The following MED12L variants were observed in gnomAD, a reference collection of about 807,000 sequenced individuals.
The protein encoded by MED12L is mediator complex subunit 12L, also known as mediator of RNA polymerase II transcription subunit 12-like protein.
MED12L carries 60 observed loss-of-function variants against 281.3 expected under a neutral mutation model. The ratio of observed to expected loss-of-function variants is 0.21; its 90% CI spans 0.17 to 0.26. The LOEUF is 0.26. Among genes scored for constraint, MED12L ranks in the 10% least tolerant of loss-of-function variants. MED12L has a pLI of 1.00. For synonymous variants in MED12L, 974 were observed against 987.2 expected, an observed-to-expected ratio of 0.99 and a Z score of 0.25; for missense variants, 2,146 against 2,680.9, an observed-to-expected ratio of 0.80 and a Z score of 4.41.
rs966884538 is a variant in MED12L, at chr3:151,433,386, C to G, written c.*582C>G. 3 of 152,588 alleles carry G rather than the reference C, an allele frequency of 2.0e-5. No individual in the cohort carries two copies. Among genetic ancestry groups the G allele is most frequent in the Admixed American group, 2.0e-4 (3 of 15,284 alleles). 9.5% of individuals were successfully genotyped at this position (152,588 alleles called of 1,614,324 possible). A position where few individuals can be genotyped will look rare whatever the true frequency, so the allele number is the denominator to read the frequency against. On this transcript the variant is annotated 3_prime_UTR_variant, in exon 45 of 45. Transcript: ENST00000687756. ...TTGTTCTTATTTATGTAGGACTCTT[C>G]TTTGCTTTTGTTGTGGTCAAAAGGT...
chr3:151,248,275 T>A (rs1196847865), intron 16 of MED12L, among the ~76,000 whole-genome samples: 1 of 152,146 alleles, frequency 6.6e-6, no homozygotes, highest in African/African-American at 2.4e-5. Context: ...CCTATTTCTT[T>A]CCTTTGAAAA....
rs144965574 is a variant in MED12L, at chr3:151,294,358, T to C, written c.2251-55701T>C. On this transcript the variant is annotated intron_variant, in intron 16 of 44. Transcript: ENST00000687756. ...ACGCAGACAAGAAAAGTGTAATTTC[T>C]TTGCAGTAATATAGGATTTTTTGTG... 42 of 1,614,006 alleles carry C rather than the reference T, an allele frequency of 2.6e-5. No homozygotes were observed. The African/African-American group carries it at 5.6e-4, about 22-fold the overall frequency.
Position 151,388,864 on chromosome 3 carries a change from TTTAAA to T in MED12L, c.5451+703_5451+707del, listed in dbSNP as rs1241024180. Among the ~76,000 whole-genome samples, 3 of 152,254 alleles carry T rather than the reference TTTAAA, an allele frequency of 2.0e-5. No individual in the cohort carries two copies. The South Asian group carries it at 6.2e-4, about 31-fold the overall frequency. ...AAGTAATGCATAAAATGTTTTTCTA[TTTAAA>T]TTAAATTAAAACCTGGAAAATATTT... On this transcript the variant is annotated intron_variant, in intron 37 of 44. Transcript: ENST00000687756.
chr3:151,384,062 A>G, intron 34 of MED12L, 21 bp from the exon 35 acceptor site: 1 of 1,603,124 alleles, frequency 6.2e-7, no homozygotes, highest in Non-Finnish European at 8.5e-7. Flanking sequence ...TTAAGATGAA[A>G]ATAATTATTT....
intron 16 of MED12L, among the ~76,000 whole-genome samples, chr3:151,335,138 C>T (rs532739629): frequency 5.8e-4 from 89 of 152,216 alleles, no homozygotes; most frequent in African/African-American, 2.0e-3. Context: ...CTATTAGGAA[C>T]CCACTCTTTG....
intron 17 of MED12L, among the ~76,000 whole-genome samples, chr3:151,353,969 G>A (rs1364117232): frequency 1.3e-5 from 2 of 149,508 alleles, no homozygotes; most frequent in African/African-American, 5.0e-5. Flanking sequence ...GTGAAACCCC[G>A]TCTCTACTAA....
chr3:151,357,135 C>A, intron 19 of MED12L, 78 bp from the exon 20 acceptor site: 2 of 1,250,268 alleles, frequency 1.6e-6, no homozygotes, highest in Non-Finnish European at 2.2e-6. Flanking sequence ...CTCAGTATAT[C>A]TATGGTTTAT....
chr3:151,126,388 G>A (rs1053095790), intron 4 of MED12L, among the ~76,000 whole-genome samples: 1 of 152,094 alleles, frequency 6.6e-6, no homozygotes, highest in Admixed American at 6.5e-5. Flanking sequence ...TTTTCCTTCA[G>A]CATTGAAAAG....
intron 4 of MED12L, among the ~76,000 whole-genome samples, chr3:151,124,848 G>T (rs1714273137): frequency 6.6e-6 from 1 of 152,170 alleles, no homozygotes; most frequent in African/African-American, 2.4e-5. Flanking sequence ...TATTCTTCCA[G>T]GTCTTGAGCA....
chr3:151,136,979 T>A (rs1357055771), intron 5 of MED12L, among the ~76,000 whole-genome samples: 1 of 151,962 alleles, frequency 6.6e-6, no homozygotes, highest in African/African-American at 2.4e-5. Flanking sequence ...CTGGCCAACA[T>A]GGTGAAACCC....
At position 151,355,870 on chromosome 3, in the gene MED12L, C is replaced by A. The variant is rs750062821; in HGVS notation, c.2518-26C>A. 2.5e-5 allele frequency: 40 copies of A among 1,586,208 alleles called. No homozygotes were observed. The South Asian group carries it at 3.8e-4, about 15-fold the overall frequency. On this transcript the variant is annotated intron_variant, in intron 18 of 44. Transcript: ENST00000687756. ...AAGATTATTTAGAATATTGGTCTTA[C>A]AATATTTTTGTTTTTATTTGCACAG... is the stretch of plus-strand genomic sequence containing the variant.
chr3:151,328,636 G>A, intron 16 of MED12L: 4 of 1,613,854 alleles, frequency 2.5e-6, no homozygotes, highest in Non-Finnish European at 3.4e-6. Context: ...TGAGGAATCT[G>A]TCAAAGGCTA....
At chr3:151,370,281 T>C (rs139570552) in intron 26 of MED12L, among the ~76,000 whole-genome samples, 8 of 152,316 alleles carry the variant, frequency 5.3e-5, no homozygotes, top group African/African-American at 1.9e-4. Flanking sequence ...ATTCCAACTT[T>C]GGGTACCTTC....
At chr3:151,259,221 G>A (rs957909947) in intron 16 of MED12L, among the ~76,000 whole-genome samples, 9 of 152,302 alleles carry the variant, frequency 5.9e-5, no homozygotes, top group African/African-American at 2.2e-4. Context: ...AACTCTCTGA[G>A]AACAATGGTT....
intron 36 of MED12L, among the ~76,000 whole-genome samples, chr3:151,386,547 G>T (rs902058871): frequency 6.7e-6 from 1 of 149,644 alleles, no homozygotes; most frequent in South Asian, 2.1e-4. Context: ...GCACCACCAG[G>T]CCCAGCTAAT....
chr3:151,369,907 G>C (rs1755973162), intron 26 of MED12L, among the ~76,000 whole-genome samples: 1 of 152,102 alleles, frequency 6.6e-6, no homozygotes, highest in Non-Finnish European at 1.5e-5. Context: ...CTAACTAAAT[G>C]TTTACATTTT....
rs1714720631 is a variant in MED12L at position 151,394,644 on chromosome 3, T to G, written c.5609-12T>G. 1 of 1,613,160 alleles carries G rather than the reference T, an allele frequency of 6.2e-7. No homozygotes were observed. Among genetic ancestry groups the G allele is most frequent in the Non-Finnish European group, 8.5e-7 (1 of 1,179,770 alleles). On this transcript the variant is annotated splice_polypyrimidine_tract_variant and intron_variant, in intron 38 of 44. Coordinates refer to ENST00000687756, the MANE Select transcript of MED12L (RefSeq NM_001393769.1). ...GTAGTTAGAAAGTGTTTCCTTTTGG[T>G]TGCTTTTGTAGGTGGCTCCAGATTG...
intron 43 of MED12L, chr3:151,425,464 G>A (rs1025869791): frequency 2.9e-6 from 1 of 346,734 alleles, no homozygotes; most frequent in African/African-American, 2.1e-5. Flanking sequence ...GCAGCAATGT[G>A]ATCATGGCTC....
At chr3:151,329,614 G>T in intron 16 of MED12L, 1 of 936,904 alleles carries the variant, frequency 1.1e-6, no homozygotes, top group African/African-American at 1.7e-5. Context: ...TATGTAATGT[G>T]ACCCATTAGA....
Sources: allele counts gnomAD v4.1 joint callset (sites outside exome capture counted in the v4.1 genomes callset), GRCh38; gene constraint gnomAD v4.1.1; transcripts MANE v1.5; gene names NCBI Gene and HGNC (gene_info 2026-07-23, HGNC 2026-07-21).